The following SHISA9 variants were observed in gnomAD, a reference collection of about 807,000 sequenced individuals.
SHISA9 encodes the protein shisa family member 9.
A neutral mutation model predicts 38.0 loss-of-function variants in SHISA9; 13 were observed. The observed-to-expected ratio is 0.34, with a 90% CI of 0.22 to 0.54. The LOEUF is 0.54. Ranked by LOEUF, SHISA9 falls within the 20% of genes least tolerant of loss-of-function variation. SHISA9 has a pLI of 0.91. For synonymous variants in SHISA9, 275 were observed against 242.0 expected, an observed-to-expected ratio of 1.14 and a Z score of -1.27; for missense variants, 538 against 575.8, an observed-to-expected ratio of 0.93 and a Z score of 0.67.
At chr16:13,319,443 C>T in the SHISA9 span, among the ~76,000 whole-genome samples, 5 of 152,198 alleles carry the variant, frequency 3.3e-5, no homozygotes, top group Middle Eastern at 3.2e-3. Flanking sequence ...AGTGACACTA[C>T]GAGGTAAACC....
chr16:13,379,564 C>T, the SHISA9 span, among the ~76,000 whole-genome samples: 2 of 152,150 alleles, frequency 1.3e-5, no homozygotes, highest in Non-Finnish European at 2.9e-5. Context: ...ACATTAGCTG[C>T]CAACTATATT....
At chr16:13,413,494 G>T in the SHISA9 span, among the ~76,000 whole-genome samples, 1 of 152,046 alleles carries the variant, frequency 6.6e-6, no homozygotes, top group Non-Finnish European at 1.5e-5. Flanking sequence ...AGTGGCTCAC[G>T]CCTGCAATCC....
chr16:13,422,298 T>TA, the SHISA9 span, among the ~76,000 whole-genome samples: 1 of 152,208 alleles, frequency 6.6e-6, no homozygotes, highest in Non-Finnish European at 1.5e-5. Flanking sequence ...GATTTTTTTT[T>TA]AAAAAGTTAT....
At chr16:13,421,174 G>A in the SHISA9 span, among the ~76,000 whole-genome samples, 1 of 151,348 alleles carries the variant, frequency 6.6e-6, no homozygotes, top group African/African-American at 2.4e-5. Flanking sequence ...GCATTCAGAT[G>A]TCCTAGAGAC....
intron 2 of SHISA9, among the ~76,000 whole-genome samples, chr16:12,955,429 G>A (rs2071816774): frequency 6.6e-6 from 1 of 152,054 alleles, no homozygotes; most frequent in Non-Finnish European, 1.5e-5. Context: ...TAGAGTGGAA[G>A]GTTGTATTCC....
At chr16:13,326,603 C>T in the SHISA9 span, among the ~76,000 whole-genome samples, 1 of 152,214 alleles carries the variant, frequency 6.6e-6, no homozygotes, top group Non-Finnish European at 1.5e-5. Flanking sequence ...TGCCTGTAAT[C>T]CCAGCTACTG....
intron 2 of SHISA9, among the ~76,000 whole-genome samples, chr16:13,139,349 T>C (rs862508): frequency 0.24 from 27,551 of 115,346 alleles, 3,886 homozygotes; most frequent in African/African-American, 0.29. Context: ...TTCACACCCC[T>C]TCCCTCCCTC....
chr16:13,329,591 G>C, the SHISA9 span, among the ~76,000 whole-genome samples: 1 of 152,148 alleles, frequency 6.6e-6, no homozygotes, highest in African/African-American at 2.4e-5. Context: ...AAGCTGAGGT[G>C]ATGTAAAATT....
At chr16:13,262,089 T>C in the SHISA9 span, among the ~76,000 whole-genome samples, 1 of 152,340 alleles carries the variant, frequency 6.6e-6, no homozygotes, top group African/African-American at 2.4e-5. Context: ...CCAGCAGTTC[T>C]CTTTGAGGTT....
At chr16:13,019,618 T>G (rs908234998) in intron 2 of SHISA9, among the ~76,000 whole-genome samples, 1 of 152,110 alleles carries the variant, frequency 6.6e-6, no homozygotes, top group African/African-American at 2.4e-5. Context: ...GTCTTTTTTT[T>G]AAACTTTTAA....
intron 2 of SHISA9, among the ~76,000 whole-genome samples, chr16:13,097,317 G>C (rs534381048): frequency 6.6e-6 from 1 of 152,210 alleles, no homozygotes; most frequent in East Asian, 1.9e-4. Flanking sequence ...TTGACCCTTG[G>C]AATAGTGCTC....
chr16:13,355,081 G>C, the SHISA9 span, among the ~76,000 whole-genome samples: 15,187 of 148,462 alleles, frequency 0.1, 858 homozygotes, highest in South Asian at 0.21. Context: ...GGTTGTAGAG[G>C]CAGGTATTGA....
At chr16:13,027,927 C>CCA (rs2072943543) in intron 2 of SHISA9, among the ~76,000 whole-genome samples, 1 of 29,406 alleles carries the variant, frequency 3.4e-5, no homozygotes, top group Non-Finnish European at 6.2e-5. Flanking sequence ...AGCTCTGTCT[C>CCA]AAAAACAAAA....
At chr16:13,184,540 G>A (rs946653440) in intron 2 of SHISA9, among the ~76,000 whole-genome samples, 8 of 152,172 alleles carry the variant, frequency 5.3e-5, no homozygotes, top group South Asian at 2.1e-4. Context: ...TGACAAATGC[G>A]TAGAGTGCTG....
intron 2 of SHISA9, among the ~76,000 whole-genome samples, chr16:13,040,118 C>T (rs1257966627): frequency 3.9e-5 from 6 of 152,210 alleles, no homozygotes; most frequent in South Asian, 2.1e-4. Flanking sequence ...ATTCTCTACA[C>T]GAGAGCCAGA....
intron 2 of SHISA9, among the ~76,000 whole-genome samples, chr16:13,051,504 G>T (rs2073250785): frequency 6.6e-6 from 1 of 152,066 alleles, no homozygotes; most frequent in Non-Finnish European, 1.5e-5. Context: ...CTTCAATTTG[G>T]GGTTCAGAAA....
chr16:12,910,399 A>G, intron 1 of SHISA9: 1 of 875,710 alleles, frequency 1.1e-6, no homozygotes, highest in Non-Finnish European at 1.4e-6. Flanking sequence ...AACCATGAAT[A>G]GTACAAAAGC....
chr16:13,015,326 G>T (rs1596585614), intron 2 of SHISA9, among the ~76,000 whole-genome samples: 1 of 152,204 alleles, frequency 6.6e-6, no homozygotes, highest in East Asian at 1.9e-4. Context: ...ACTGACCTCT[G>T]CTTTAGCTAT....
At chr16:13,140,515 A>G (rs925873403) in intron 2 of SHISA9, among the ~76,000 whole-genome samples, 1 of 151,986 alleles carries the variant, frequency 6.6e-6, no homozygotes, top group African/African-American at 2.4e-5. Flanking sequence ...ACATCTCCTT[A>G]TTTGTCCATT....
Sources: gnomAD v4.1 joint callset for allele counts (sites outside exome capture counted in the v4.1 genomes callset) on GRCh38, gnomAD v4.1.1 for gene constraint, MANE v1.5 for transcripts, NCBI Gene and HGNC (gene_info 2026-07-23, HGNC 2026-07-21) for gene names.